Variants in LINGO2 observed in about 807,000 individuals in gnomAD.
The protein encoded by LINGO2 is leucine-rich repeat and immunoglobulin-like domain-containing nogo receptor-interacting protein 2.
A neutral mutation model predicts 30.6 loss-of-function variants in LINGO2; 14 were observed. The observed-to-expected ratio is 0.46, with a 90% CI of 0.30 to 0.72. The LOEUF (loss-of-function observed/expected upper bound fraction) is 0.72, where lower values mean the gene tolerates loss of function less well. Ranked by LOEUF, LINGO2 falls within the 30% of genes least tolerant of loss-of-function variation. The pLI, the probability that LINGO2 is intolerant of heterozygous loss-of-function variation, is 0.07. For missense variants in LINGO2, 729 were observed against 751.7 expected, an observed-to-expected ratio of 0.97 and a Z score of 0.35; for synonymous variants, 317 against 288.5, an observed-to-expected ratio of 1.10 and a Z score of -1.00.
intron 2 of LINGO2, among the ~76,000 whole-genome samples, chr9:28,464,471 T>A (rs1825217802): frequency 6.6e-6 from 1 of 152,208 alleles, no homozygotes; most frequent in Non-Finnish European, 1.5e-5. Context: ...TCCTCAATGA[T>A]TTTTGTTTCT....
the LINGO2 span, among the ~76,000 whole-genome samples, chr9:28,781,352 T>G: frequency 6.6e-6 from 1 of 152,120 alleles, no homozygotes; most frequent in African/African-American, 2.4e-5. Context: ...AAGGTATGCA[T>G]TCAAATCATA....
the LINGO2 span, among the ~76,000 whole-genome samples, chr9:28,884,127 C>T: frequency 6.6e-5 from 10 of 151,882 alleles, no homozygotes; most frequent in African/African-American, 1.5e-4. Flanking sequence ...TAATACTCAA[C>T]GAAAATTAGT....
At chr9:29,180,677 G>T in the LINGO2 span, among the ~76,000 whole-genome samples, 2 of 152,130 alleles carry the variant, frequency 1.3e-5, no homozygotes, top group Non-Finnish European at 2.9e-5. Flanking sequence ...CCCCATGAAG[G>T]AATCACTTCT....
chr9:28,338,098 C>A (rs1825648230), intron 3 of LINGO2, among the ~76,000 whole-genome samples: 1 of 152,320 alleles, frequency 6.6e-6, no homozygotes, highest in Middle Eastern at 3.4e-3. Flanking sequence ...GGAGATGTAC[C>A]TGGCAAAGCC....
At chr9:28,770,289 T>A in the LINGO2 span, among the ~76,000 whole-genome samples, 2 of 152,308 alleles carry the variant, frequency 1.3e-5, no homozygotes, top group East Asian at 3.9e-4. Flanking sequence ...TATTGTCAAG[T>A]TAGCCAACTG....
At chr9:28,756,010 A>G in the LINGO2 span, among the ~76,000 whole-genome samples, 1 of 152,092 alleles carries the variant, frequency 6.6e-6, no homozygotes, top group African/African-American at 2.4e-5. Flanking sequence ...CATAATCTCA[A>G]TAATTACAAT....
At chr9:28,194,614 C>G in intron 4 of LINGO2, among the ~76,000 whole-genome samples, 1 of 140,972 alleles carries the variant, frequency 7.1e-6, no homozygotes, top group Non-Finnish European at 1.6e-5. Context: ...GAAAAGCTTT[C>G]AAAATGCATA....
the LINGO2 span, among the ~76,000 whole-genome samples, chr9:28,786,759 T>TA: frequency 6.6e-6 from 1 of 152,060 alleles, no homozygotes; most frequent in Non-Finnish European, 1.5e-5. Context: ...GGATCACAAC[T>TA]AAATGGGTAA....
the LINGO2 span, among the ~76,000 whole-genome samples, chr9:29,015,147 G>A: frequency 0.019 from 2,908 of 152,136 alleles, 60 homozygotes; most frequent in South Asian, 0.072. Context: ...TGGAGACTCA[G>A]AAGGGTGAGA....
At chr9:28,972,221 C>T in the LINGO2 span, among the ~76,000 whole-genome samples, 1 of 152,220 alleles carries the variant, frequency 6.6e-6, no homozygotes, top group African/African-American at 2.4e-5. Context: ...ATATGCCTAA[C>T]TCTTCAATGT....
intron 3 of LINGO2, among the ~76,000 whole-genome samples, chr9:28,366,812 C>T (rs1820695591): frequency 6.6e-6 from 1 of 151,664 alleles, no homozygotes; most frequent in Non-Finnish European, 1.5e-5. Flanking sequence ...TTTTAAAAAG[C>T]CAAGTAGTTC....
chr9:28,408,864 C>A (rs150132425), intron 2 of LINGO2, among the ~76,000 whole-genome samples: 24 of 151,550 alleles, frequency 1.6e-4, no homozygotes, highest in African/African-American at 5.6e-4. Flanking sequence ...GAACCACTTT[C>A]TTTGAAGTTC....
At position 28,390,817 on chromosome 9, in the gene LINGO2, C is replaced by T. The variant is rs577441517; in HGVS notation, c.-278-17949G>A. On this transcript the variant is annotated intron_variant, in intron 2 of 5. Transcript: ENST00000379992. ...AAACAAAAGACATTATCGTGATGCT[C>T]TTCTTATTATTCAGGAATGCAGCCA... Among the ~76,000 whole-genome samples the T allele has an allele frequency of 1.5e-4, 23 of 152,210 alleles. No individual in the cohort carries two copies. The South Asian group carries it at 4.6e-3, about 30-fold the overall frequency.
At chr9:28,479,217 T>C (rs1300419666) in intron 1 of LINGO2, among the ~76,000 whole-genome samples, 1 of 151,958 alleles carries the variant, frequency 6.6e-6, no homozygotes, top group Non-Finnish European at 1.5e-5. Flanking sequence ...TTCAAGCATA[T>C]ATATTTTAAA....
the LINGO2 span, among the ~76,000 whole-genome samples, chr9:28,784,398 T>C: frequency 6.6e-6 from 1 of 152,212 alleles, no homozygotes; most frequent in African/African-American, 2.4e-5. Flanking sequence ...AGAAGTCAGT[T>C]TGAGTCCCAG....
intron 4 of LINGO2, among the ~76,000 whole-genome samples, chr9:28,110,522 C>G (rs1826744256): frequency 6.6e-6 from 1 of 152,156 alleles, no homozygotes; most frequent in African/African-American, 2.4e-5. Context: ...TATCCAGAAT[C>G]TACAAAGAAC....
intron 1 of LINGO2, among the ~76,000 whole-genome samples, chr9:28,502,737 T>C (rs1218035115): frequency 2.0e-5 from 3 of 152,248 alleles, no homozygotes; most frequent in Admixed American, 2.0e-4. Flanking sequence ...CTCTAGAATA[T>C]TTCTTCATTT....
chr9:27,942,039 A>T, the LINGO2 span: 1 of 152,166 alleles, frequency 6.6e-6, no homozygotes, highest in Non-Finnish European at 1.5e-5. Context: ...AGTCACATGA[A>T]TTTGGGATAC....
At chr9:28,789,432 G>T in the LINGO2 span, among the ~76,000 whole-genome samples, 3 of 152,096 alleles carry the variant, frequency 2.0e-5, no homozygotes, top group African/African-American at 4.8e-5. Context: ...CTTATTAAGA[G>T]ATATCACTGT....
Sources: allele counts gnomAD v4.1 joint callset (sites outside exome capture counted in the v4.1 genomes callset), GRCh38; gene constraint gnomAD v4.1.1; transcripts MANE v1.5; gene names NCBI Gene and HGNC (gene_info 2026-07-23, HGNC 2026-07-21).